The following MAN2B2 variants were observed in gnomAD, a reference collection of about 807,000 sequenced individuals.
MAN2B2 encodes the protein epididymis-specific alpha-mannosidase.
In MAN2B2, 106 loss-of-function variants were observed where a neutral mutation model predicts 117.1. The observed-to-expected ratio is 0.90, with a 90% confidence interval of 0.77 to 1.06. The LOEUF (loss-of-function observed/expected upper bound fraction) is 1.06. MAN2B2 is among the 50% of genes least tolerant of loss of function. The pLI is 0.00. For synonymous variants in MAN2B2, 544 were observed against 595.1 expected (o/e 0.91, Z 1.25); for missense variants, 1,326 against 1,381.4 (o/e 0.96, Z 0.64).
At chr4:6,603,993 G>C (rs1341951268) in intron 10 of MAN2B2, among the ~76,000 whole-genome samples, 1 of 152,232 alleles carries the variant, frequency 6.6e-6, no homozygotes, top group Non-Finnish European at 1.5e-5. Flanking sequence ...AGACACCTTG[G>C]AGGTGAGCAG....
chr4:6,593,136 T>A (rs1726919743), intron 5 of MAN2B2, 37 bp from the exon 6 acceptor site: 2 of 1,601,122 alleles, frequency 1.2e-6, no homozygotes, highest in Admixed American at 1.7e-5. Context: ...GTCCACAGAG[T>A]TCGTGTCTTC....
Position 6,610,020 on chromosome 4 carries a change from C to A in MAN2B2, c.2229C>A (p.Tyr743Ter). The change falls in exon 13 of 19, where the codon TAC becomes TAA. Residue 743 changes from tyrosine to a stop codon, truncating the protein, a stop_gained. Coordinates refer to ENST00000285599, the MANE Select transcript of MAN2B2 (RefSeq NM_015274.3). LOFTEE classifies it high-confidence loss of function. ...NNGYQMQRRPYVSYVNNSIAR... is the reference protein window; with the variant it reads ...NNGYQMQRRP ...GCTACCAGATGCAGCGGAGGCCCTA[C>A]GTTTCCTATGTGAACAACAGCATCG... 2 of 1,614,166 alleles carry A rather than the reference C, an allele frequency of 1.2e-6. No individual in the cohort carries two copies. The highest frequency in any genetic ancestry group is 1.7e-6 in the Non-Finnish European group (2 of 1,180,026).
intron 3 of MAN2B2, among the ~76,000 whole-genome samples, chr4:6,583,636 G>A (rs997495420): frequency 2.6e-5 from 4 of 152,178 alleles, no homozygotes; most frequent in Non-Finnish European, 4.4e-5. Flanking sequence ...GAAAGAATTC[G>A]ACTGAGGGGC....
chr4:6,604,786 T>C (rs557385135), intron 10 of MAN2B2, among the ~76,000 whole-genome samples: 1 of 151,348 alleles, frequency 6.6e-6, no homozygotes, highest in Non-Finnish European at 1.5e-5. Context: ...GAGCTGGGGG[T>C]GTTCAGGAGC....
Position 6,589,165 on chromosome 4 carries a change from G to T in MAN2B2, c.680+5G>T. On this transcript the variant is annotated splice_donor_5th_base_variant and intron_variant, in intron 5 of 18. Transcript: ENST00000285599. ...CCACATCCCTTTCTCCAACAGGTAC[G>T]TGCCCTTCCGCAGTGCCTTTGGGAT... is the stretch of plus-strand genomic sequence containing the variant. The T allele has an allele frequency of 1.9e-6, 3 of 1,605,698 alleles. No individual in the cohort carries two copies. The highest frequency in any genetic ancestry group is 2.6e-6 in the Non-Finnish European group (3 of 1,172,296).
chr4:6,594,720 C>A lies in MAN2B2; in HGVS notation c.1045C>A (p.Pro349Thr), dbSNP rs1182193116. The A allele has an allele frequency of 6.2e-7, 1 of 1,611,068 alleles. No individual in the cohort carries two copies. The highest frequency in any genetic ancestry group is 2.1e-4 in the Middle Eastern group (1 of 4,876). The change falls in exon 7 of 19, where the codon CCC becomes ACC. Residue 349 changes from proline (P) to threonine (T), a missense_variant. Pro to Thr is a conservative substitution (Grantham distance 38). Coordinates refer to ENST00000285599, the MANE Select transcript of MAN2B2 (RefSeq NM_015274.3). ...WRVRDHHDFLPYSTEPFQAWT... is the reference protein window; with the variant it reads ...WRVRDHHDFLTYSTEPFQAWT... ...TGTCCGCGACCACCACGACTTCCTG[C>A]CCTATTCCACAGGTACAGGCTTCCA...
chr4:6,597,406 C>A, intron 8 of MAN2B2, 103 bp downstream of exon 8: 3 of 1,237,564 alleles, frequency 2.4e-6, no homozygotes, highest in East Asian at 2.9e-5. Context: ...GCACTAGAGG[C>A]CCCACTTTAC....
chr4:6,578,078 C>G (rs533161192), intron 2 of MAN2B2, among the ~76,000 whole-genome samples: 1 of 152,238 alleles, frequency 6.6e-6, no homozygotes, highest in Non-Finnish European at 1.5e-5. Flanking sequence ...GATGAGTGAA[C>G]CTTGGGAAAG....
At chr4:6,587,254 CT>C (rs1383204933) in intron 4 of MAN2B2, 86 bp downstream of exon 4, 1 of 1,501,278 alleles carries the variant, frequency 6.7e-7, no homozygotes, top group Non-Finnish European at 9.0e-7. Context: ...AGCTGCTGCT[CT>C]ATGCCGAAGT....
chr4:6,592,175 G>A (rs1726885496), intron 5 of MAN2B2, among the ~76,000 whole-genome samples: 1 of 152,248 alleles, frequency 6.6e-6, no homozygotes, highest in Non-Finnish European at 1.5e-5. Context: ...GCAAGGCAGA[G>A]GGGGTGAAGA....
chr4:6,605,445 T>G, intron 11 of MAN2B2, 116 bp downstream of exon 11: 1 of 1,182,098 alleles, frequency 8.5e-7, no homozygotes, highest in Non-Finnish European at 1.2e-6. Flanking sequence ...CAGATGGTGG[T>G]GAAACCCCTT....
intron 6 of MAN2B2, among the ~76,000 whole-genome samples, chr4:6,593,893 C>T (rs1251612634): frequency 2.6e-5 from 4 of 152,066 alleles, no homozygotes; most frequent in Non-Finnish European, 4.4e-5. Context: ...AACCAAGGCC[C>T]AGAGAGGTTA....
In MAN2B2 at chr4:6,583,395, C is replaced by G. The variant is rs984499246; in HGVS notation, c.392-3601C>G. 5.9e-5 allele frequency among the ~76,000 whole-genome samples: 9 copies of G among 151,536 alleles called. No homozygotes were observed. In the East Asian group the frequency reaches 1.8e-3, roughly 30 times the overall value. On this transcript the variant is annotated intron_variant, in intron 3 of 18. Coordinates refer to ENST00000285599, the MANE Select transcript of MAN2B2 (RefSeq NM_015274.3). ...GTCTCTGGCTGGGAGTCCATTTGCC[C>G]TGCTAAAACCAAGAAGGAGTGTGTG...
chr4:6,575,442 C>A, intron 1 of MAN2B2, 94 bp downstream of exon 1: 8 of 1,012,150 alleles, frequency 7.9e-6, no homozygotes, highest in Non-Finnish European at 1.1e-5. Flanking sequence ...GGCCCGATGC[C>A]GGCGCAGAAG....
intron 9 of MAN2B2, among the ~76,000 whole-genome samples, chr4:6,599,429 G>A (rs1222064952): frequency 6.6e-6 from 1 of 151,998 alleles, no homozygotes; most frequent in Non-Finnish European, 1.5e-5. Context: ...TTGGGAGGCC[G>A]AGGCGGGTGG....
intron 11 of MAN2B2, among the ~76,000 whole-genome samples, chr4:6,607,959 C>T (rs755940593): frequency 1.8e-4 from 27 of 152,204 alleles, no homozygotes; most frequent in African/African-American, 2.7e-4. Flanking sequence ...ATGATGGTTT[C>T]GATTTGCATT....
intron 16 of MAN2B2, among the ~76,000 whole-genome samples, chr4:6,616,537 G>C (rs1372783206): frequency 6.6e-6 from 1 of 152,178 alleles, no homozygotes; most frequent in Non-Finnish European, 1.5e-5. Context: ...CCCGCTGATG[G>C]AGTTTGTATT....
At chr4:6,612,856 G>A (rs1456329371) in intron 15 of MAN2B2, among the ~76,000 whole-genome samples, 1 of 152,256 alleles carries the variant, frequency 6.6e-6, no homozygotes, top group Admixed American at 6.5e-5. Flanking sequence ...AGTGTATGGT[G>A]AGGCCCACAT....
intron 3 of MAN2B2, among the ~76,000 whole-genome samples, chr4:6,579,042 T>TCAC (rs1560634123): frequency 2.0e-5 from 1 of 48,830 alleles, no homozygotes; most frequent in Non-Finnish European, 4.0e-5. Flanking sequence ...ACTACCACCA[T>TCAC]CACCACCATC....
Sources: gnomAD v4.1 joint callset for allele counts (sites outside exome capture counted in the v4.1 genomes callset) on GRCh38, gnomAD v4.1.1 for gene constraint, MANE v1.5 for transcripts, NCBI Gene and HGNC (gene_info 2026-07-23, HGNC 2026-07-21) for gene names.